Variants in PRELID2 observed in about 807,000 individuals in gnomAD.
PRELID2 encodes the protein PRELI domain-containing protein 2.
In PRELID2, 25 loss-of-function variants were observed where a neutral mutation model predicts 28.4. The observed-to-expected ratio is 0.88, with a 90% confidence interval of 0.64 to 1.23. The LOEUF (loss-of-function observed/expected upper bound fraction) is 1.23, where lower values mean the gene tolerates loss of function less well. Ranked by LOEUF, PRELID2 falls within the 50% of genes most tolerant of loss-of-function variation. The pLI is 0.00. For missense variants in PRELID2, 201 were observed against 214.4 expected, an observed-to-expected ratio of 0.94 and a Z score of 0.39; for synonymous variants, 76 against 71.6, an observed-to-expected ratio of 1.06 and a Z score of -0.31.
intron 1 of PRELID2, chr5:145,826,074 A>T (rs1755172692): frequency 5.1e-6 from 5 of 985,428 alleles, no homozygotes; most frequent in African/African-American, 1.7e-5. Flanking sequence ...TGCAGAATTG[A>T]TCAAGCTGAA....
the PRELID2 span, among the ~76,000 whole-genome samples, chr5:145,358,909 C>T: frequency 1.3e-5 from 2 of 152,126 alleles, no homozygotes; most frequent in African/African-American, 4.8e-5. Flanking sequence ...CACAAGAAAA[C>T]ATTAAAGGAT....
rs191503706 is a variant in PRELID2, at chr5:145,756,494, T to A, written c.*4042A>T. Among the ~76,000 whole-genome samples, 1 of 152,218 alleles carries A rather than the reference T, an allele frequency of 6.6e-6. No homozygotes were observed. The highest frequency in any genetic ancestry group is 1.5e-5 in the Non-Finnish European group (1 of 68,038). On this transcript the variant is annotated 3_prime_UTR_variant, in exon 7 of 7. Coordinates refer to ENST00000683046, the MANE Select transcript of PRELID2 (RefSeq NM_205846.3). ...CTGATCATTTTTTGAGTTTTAATCC[T>A]CTTAAGTTTCACATTATAGAACTGA... is the stretch of plus-strand genomic sequence containing the variant.
intron 1 of PRELID2, among the ~76,000 whole-genome samples, chr5:145,587,392 T>C (rs1753167878): frequency 6.6e-6 from 1 of 152,152 alleles, no homozygotes; most frequent in Non-Finnish European, 1.5e-5. Context: ...GTTTTATACA[T>C]CAGCAAGCAT....
chr5:145,329,896 G>C, the PRELID2 span, among the ~76,000 whole-genome samples: 1 of 152,138 alleles, frequency 6.6e-6, no homozygotes, highest in African/African-American at 2.4e-5. Flanking sequence ...TGCTCATTCA[G>C]TATGATATTG....
the PRELID2 span, among the ~76,000 whole-genome samples, chr5:145,308,618 G>A: frequency 6.6e-6 from 1 of 150,886 alleles, no homozygotes; most frequent in Admixed American, 6.6e-5. Flanking sequence ...AGAGGTTAGA[G>A]TGTATTTTTT....
the PRELID2 span, among the ~76,000 whole-genome samples, chr5:145,274,763 A>G: frequency 6.6e-6 from 1 of 152,204 alleles, no homozygotes; most frequent in African/African-American, 2.4e-5. Context: ...AAATAGAGTC[A>G]AAGAAAGGCC....
At chr5:145,616,413 TATTGGGCGAA>T (rs1407867696) in intron 1 of PRELID2, among the ~76,000 whole-genome samples, 2 of 152,186 alleles carry the variant, frequency 1.3e-5, no homozygotes, top group Non-Finnish European at 2.9e-5. Flanking sequence ...TTCAGCCAGA[TATTGGGCGAA>T]ATTCACCCCC....
At chr5:145,730,452 G>A (rs1183538793) in intron 1 of PRELID2, among the ~76,000 whole-genome samples, 3 of 152,134 alleles carry the variant, frequency 2.0e-5, no homozygotes, top group Admixed American at 2.0e-4. Flanking sequence ...ATTCATGCAT[G>A]GCATGAAGAT....
At chr5:145,381,847 C>A in the PRELID2 span, among the ~76,000 whole-genome samples, 2 of 151,964 alleles carry the variant, frequency 1.3e-5, no homozygotes, top group Non-Finnish European at 2.9e-5. Flanking sequence ...TGTAAAGTAT[C>A]ATCTACTGTG....
chr5:145,353,534 A>T, the PRELID2 span, among the ~76,000 whole-genome samples: 14 of 152,060 alleles, frequency 9.2e-5, no homozygotes, highest in African/African-American at 3.4e-4. Context: ...GGCTTAATTG[A>T]CTCACAGTTC....
chr5:145,816,279 TG>T (rs1017516012), intron 4 of PRELID2, among the ~76,000 whole-genome samples: 2 of 151,768 alleles, frequency 1.3e-5, no homozygotes, highest in African/African-American at 4.8e-5. Context: ...GACGGGATTT[TG>T]CCATGTGACT....
chr5:145,713,711 TATC>T (rs1341479893), intron 1 of PRELID2, among the ~76,000 whole-genome samples: 1 of 144,994 alleles, frequency 6.9e-6, no homozygotes, highest in African/African-American at 2.5e-5. Context: ...TAAAGTCAGA[TATC>T]ATTCTTAGAG....
intron 1 of PRELID2, among the ~76,000 whole-genome samples, chr5:145,826,808 G>A (rs1056669175): frequency 7.9e-5 from 12 of 152,036 alleles, no homozygotes; most frequent in Admixed American, 5.2e-4. Context: ...ATATGTTTCT[G>A]GGAGAAGCTT....
the PRELID2 span, among the ~76,000 whole-genome samples, chr5:145,420,522 G>C: frequency 1.4e-5 from 2 of 143,406 alleles, no homozygotes; most frequent in Non-Finnish European, 3.1e-5. Context: ...CTCATGATTT[G>C]GCTCTCTGTT....
chr5:145,380,355 T>G, the PRELID2 span, among the ~76,000 whole-genome samples: 2 of 152,188 alleles, frequency 1.3e-5, no homozygotes, highest in African/African-American at 4.8e-5. Flanking sequence ...TCTTGGTGCC[T>G]TCCCTCTGAA....
At chr5:145,832,549 G>A (rs753045570) in intron 1 of PRELID2, among the ~76,000 whole-genome samples, 7 of 152,160 alleles carry the variant, frequency 4.6e-5, no homozygotes, top group Non-Finnish European at 7.3e-5. Flanking sequence ...TATATGCAAT[G>A]CAGCACAGCC....
the PRELID2 span, among the ~76,000 whole-genome samples, chr5:145,409,594 A>G: frequency 6.6e-6 from 1 of 152,056 alleles, no homozygotes; most frequent in Non-Finnish European, 1.5e-5. Flanking sequence ...GACTAAAGAG[A>G]CTGTAAAGCA....
chr5:145,394,532 T>C, the PRELID2 span, among the ~76,000 whole-genome samples: 2 of 151,958 alleles, frequency 1.3e-5, no homozygotes, highest in Admixed American at 6.6e-5. Flanking sequence ...TGTATACATA[T>C]GTAACAAACC....
chr5:145,603,403 T>C (rs946275148), intron 1 of PRELID2, among the ~76,000 whole-genome samples: 3 of 152,108 alleles, frequency 2.0e-5, no homozygotes, highest in Non-Finnish European at 4.4e-5. Context: ...GCACACTGCT[T>C]GAATGATTTC....
Sources: allele counts gnomAD v4.1 joint callset (sites outside exome capture counted in the v4.1 genomes callset), GRCh38; gene constraint gnomAD v4.1.1; transcripts MANE v1.5; gene names NCBI Gene and HGNC (gene_info 2026-07-23, HGNC 2026-07-21).